The following SLC2A2 variants were observed in gnomAD, a reference collection of about 807,000 sequenced individuals.
The protein encoded by SLC2A2 is solute carrier family 2 member 2.
A neutral mutation model predicts 54.5 loss-of-function variants in SLC2A2; 36 were observed. That is an observed-to-expected ratio of 0.66 (90% CI 0.51 to 0.87). The LOEUF (loss-of-function observed/expected upper bound fraction) is 0.87. Ranked by LOEUF, SLC2A2 falls within the 40% of genes least tolerant of loss-of-function variation. The probability of loss-of-function intolerance (pLI) is 0.00; values close to 1 mark genes in which losing one functional copy is unlikely to be tolerated. For synonymous variants in SLC2A2, 223 were observed against 219.1 expected (o/e 1.02, Z -0.16); for missense variants, 543 against 624.3 (o/e 0.87, Z 1.39).
In SLC2A2 at chr3:170,999,154, C is replaced by T. The variant is rs1380054283; in HGVS notation, c.1081G>A (p.Glu361Lys). Residue 361 changes from glutamate (E) to lysine (K), a missense_variant, in exon 9 of 11, where the codon GAG (glutamate) becomes AAG (lysine). By Grantham distance (56) the Glu-to-Lys change is moderately conservative (BLOSUM62 1). Around this residue, in one of 3 missense-constraint regions of SLC2A2, gnomAD observed 117 missense variants for 179.2 expected, o/e 0.65. Coordinates refer to ENST00000314251, the MANE Select transcript of SLC2A2 (RefSeq NM_000340.2). ...VFTAVSVFLV[E>K]KAGRRSLFLI... The stretch of plus-strand genomic sequence containing the variant: ...AAGAGAGAACGTCGCCCTGCCTTCT[C>T]CACAAGGAATACCTAGGACAATTTT... The T allele has an allele frequency of 2.5e-6, 4 of 1,607,040 alleles. No individual in the cohort carries two copies. Among genetic ancestry groups the T allele is most frequent in the Non-Finnish European group, 3.4e-6 (4 of 1,173,904 alleles).
intron 1 of SLC2A2, among the ~76,000 whole-genome samples, chr3:171,022,988 C>G (rs549995333): frequency 5.9e-5 from 9 of 152,180 alleles, no homozygotes; most frequent in Non-Finnish European, 7.3e-5. Flanking sequence ...TATAGAAATT[C>G]TGGAGCTGCC....
intron 1 of SLC2A2, among the ~76,000 whole-genome samples, chr3:171,021,523 A>G (rs926658891): frequency 2.6e-5 from 4 of 152,230 alleles, no homozygotes; most frequent in African/African-American, 9.6e-5. Context: ...ATGGCAGCTC[A>G]TGCCTATAGT....
rs921499105 is a variant in SLC2A2, at chr3:171,008,593, T to C, written c.497-1330A>G. Among the ~76,000 whole-genome samples the C allele has an allele frequency of 3.0e-4, 45 of 152,074 alleles. 1 individual carries two copies. The highest frequency in any genetic ancestry group is 9.7e-4 in the African/African-American group (40 of 41,424). On this transcript the variant is annotated intron_variant, in intron 4 of 10. Coordinates refer to ENST00000314251, the MANE Select transcript of SLC2A2 (RefSeq NM_000340.2). Reference sequence around the variant, plus strand: ...ATGCTACTTAGAGGTTGTTTTACAATATATTTATAGCATTTGTTTTCAATT... The same window carrying C: ...ATGCTACTTAGAGGTTGTTTTACAACATATTTATAGCATTTGTTTTCAATT...
intron 1 of SLC2A2, among the ~76,000 whole-genome samples, chr3:171,026,137 ATTAT>A (rs1170843383): frequency 2.0e-5 from 3 of 152,194 alleles, no homozygotes; most frequent in Non-Finnish European, 2.9e-5. Flanking sequence ...ATACAGTAAT[ATTAT>A]TTAAGATGCA....
intron 8 of SLC2A2, among the ~76,000 whole-genome samples, chr3:170,999,424 T>C (rs1412101653): frequency 6.6e-6 from 1 of 152,082 alleles, no homozygotes; most frequent in Non-Finnish European, 1.5e-5. Context: ...TAGACCATTA[T>C]AGAGATAGAA....
At chr3:171,018,676 A>G (rs2108262183) in intron 1 of SLC2A2, 53 bp from the exon 2 acceptor site, 1 of 1,238,046 alleles carries the variant, frequency 8.1e-7, no homozygotes, top group Non-Finnish European at 1.2e-6. Context: ...TTAGTTTCCC[A>G]TCTTTCTGTC....
At chr3:171,026,301 C>T (rs969826709) in intron 1 of SLC2A2, among the ~76,000 whole-genome samples, 1 of 150,542 alleles carries the variant, frequency 6.6e-6, no homozygotes, top group Non-Finnish European at 1.5e-5. Context: ...TCTTTTGTCT[C>T]TCCTGCATTG....
rs376064965 is a variant in SLC2A2 at position 171,009,997 on chromosome 3, G to A, written c.457C>T (p.Leu153Phe). The A allele has an allele frequency of 1.9e-6, 3 of 1,604,978 alleles. No homozygotes were observed. The highest frequency in any genetic ancestry group is 1.1e-5 in the South Asian group (1 of 90,926). The stretch of plus-strand genomic sequence containing the variant: ...GATATGCTTCTTCCAGCAATTATAA[G>A]TATATGAGATGGTCCCAATTTTGAA... The part of the protein sequence containing the change: ...GFSKLGPSHI[L>F]IIAGRSISGL... Residue 153 changes from leucine to phenylalanine, a missense_variant, in exon 4 of 11, where the codon CTT becomes TTT. Physicochemically the swap from Leu to Phe is conservative, Grantham distance 22. This residue lies in a region of SLC2A2 where 318 missense variants were observed against 343.8 expected (regional missense o/e 0.93). Coordinates refer to ENST00000314251, the MANE Select transcript of SLC2A2 (RefSeq NM_000340.2).
intron 5 of SLC2A2, among the ~76,000 whole-genome samples, chr3:171,006,530 T>G (rs1354316649): frequency 6.6e-6 from 1 of 152,082 alleles, no homozygotes; most frequent in Non-Finnish European, 1.5e-5. Context: ...TATTTCCTTC[T>G]TATATTACCC....
At chr3:171,007,800 G>T (rs1715681380) in intron 4 of SLC2A2, among the ~76,000 whole-genome samples, 1 of 152,012 alleles carries the variant, frequency 6.6e-6, no homozygotes, top group African/African-American at 2.4e-5. Flanking sequence ...AGGGGCGAGG[G>T]GAGGTGCAGA....
At chr3:171,011,365 CAG>C (rs1289212065) in intron 3 of SLC2A2, among the ~76,000 whole-genome samples, 1 of 151,932 alleles carries the variant, frequency 6.6e-6, no homozygotes, top group Non-Finnish European at 1.5e-5. Context: ...GATATGATGA[CAG>C]AAGTAGAGAT....
At chr3:171,020,528 C>CAT (rs1002341977) in intron 1 of SLC2A2, among the ~76,000 whole-genome samples, 3 of 152,032 alleles carry the variant, frequency 2.0e-5, no homozygotes, top group Non-Finnish European at 2.9e-5. Context: ...TTATATGATA[C>CAT]ATATATATTG....
At chr3:171,024,207 G>C (rs1057391408) in intron 1 of SLC2A2, among the ~76,000 whole-genome samples, 8 of 152,158 alleles carry the variant, frequency 5.3e-5, no homozygotes. Context: ...CCTATAAACA[G>C]TAAAAGGGCT....
At chr3:171,018,917 T>G (rs1229528183) in intron 1 of SLC2A2, among the ~76,000 whole-genome samples, 1 of 151,870 alleles carries the variant, frequency 6.6e-6, no homozygotes, top group South Asian at 2.1e-4. Flanking sequence ...ATACCTCTCC[T>G]GACTATTCAC....
At chr3:171,004,669 T>G (rs369371183) in intron 7 of SLC2A2, among the ~76,000 whole-genome samples, 1 of 151,984 alleles carries the variant, frequency 6.6e-6, no homozygotes, top group South Asian at 2.1e-4. Context: ...AGAACCATCT[T>G]GGTCTGCATG....
chr3:171,025,291 GTATT>G (rs1716636717), intron 1 of SLC2A2, among the ~76,000 whole-genome samples: 1 of 144,394 alleles, frequency 6.9e-6, no homozygotes, highest in African/African-American at 2.7e-5. Context: ...TATATAATAT[GTATT>G]TAAAGTGTTT....
At chr3:171,001,891 A>ATCCTTAAT (rs1715351968) in intron 8 of SLC2A2, among the ~76,000 whole-genome samples, 1 of 150,360 alleles carries the variant, frequency 6.7e-6, no homozygotes, top group Non-Finnish European at 1.5e-5. Context: ...CTTCTTATAT[A>ATCCTTAAT]AAGTTATTTG....
chr3:171,000,032 T>G (rs1482255574), intron 8 of SLC2A2, among the ~76,000 whole-genome samples: 2 of 152,164 alleles, frequency 1.3e-5, no homozygotes, highest in Non-Finnish European at 2.9e-5. Context: ...TTTCTCACTT[T>G]GGCACCTGGT....
intron 4 of SLC2A2, chr3:171,007,609 T>G (rs1236765281): frequency 3.1e-6 from 1 of 324,824 alleles, no homozygotes; most frequent in Non-Finnish European, 5.9e-6. Context: ...TTAATAATAT[T>G]CTTAATTAGG....
Sources: gnomAD v4.1 joint callset for allele counts (sites outside exome capture counted in the v4.1 genomes callset) on GRCh38, gnomAD v4.1.1 for gene constraint, gnomAD v4.1.1 regional missense constraint, MANE v1.5 for transcripts, NCBI Gene and HGNC (gene_info 2026-07-23, HGNC 2026-07-21) for gene names.